The following CRMP1 variants were observed in gnomAD, a reference collection of about 807,000 sequenced individuals.
CRMP1 encodes the protein collapsin response mediator protein 1, also known as dihydropyrimidinase-related protein 1.
A neutral mutation model predicts 68.3 loss-of-function variants in CRMP1; 19 were observed. That is an observed-to-expected ratio of 0.28 (90% CI 0.19 to 0.41). The LOEUF (loss-of-function observed/expected upper bound fraction) is 0.41. Ranked by LOEUF, CRMP1 falls within the 10% of genes least tolerant of loss-of-function variation. The pLI is 1.00. For synonymous variants in CRMP1, 439 were observed against 399.6 expected (o/e 1.10, Z -1.18); for missense variants, 791 against 967.4 (o/e 0.82, Z 2.42).
chr4:5,867,599 C>A (rs1191433397), intron 1 of CRMP1, among the ~76,000 whole-genome samples: 1 of 152,152 alleles, frequency 6.6e-6, no homozygotes, highest in Non-Finnish European at 1.5e-5. Flanking sequence ...GATCAGCTAC[C>A]GACTGATGCT....
chr4:5,887,060 C>T (rs1000158533), intron 1 of CRMP1, among the ~76,000 whole-genome samples: 3 of 152,210 alleles, frequency 2.0e-5, no homozygotes, highest in African/African-American at 7.2e-5. Context: ...CCTGGGTTCC[C>T]TCCTGACCTT....
Position 5,843,858 on chromosome 4 carries a change from G to C in CRMP1, c.964-697C>G, listed in dbSNP as rs56333046. ...TCTTTATGGCGGGAAACCACTACCT[G>C]AAACTTATCATATAACCTTGAAATG... On this transcript the variant is annotated intron_variant, in intron 6 of 13. Coordinates refer to ENST00000324989, the MANE Select transcript of CRMP1 (RefSeq NM_001014809.3). The surrounding 1 kb of genome is among the most constrained non-coding windows in gnomAD (Gnocchi z 4.1). Among the ~76,000 whole-genome samples the C allele has an allele frequency of 0.04, 6,159 of 152,112 alleles. 306 individuals are homozygous for C. Among genetic ancestry groups the C allele is most frequent in the African/African-American group, 0.12 (4,814 of 41,480 alleles).
intron 6 of CRMP1, among the ~76,000 whole-genome samples, chr4:5,847,982 C>A (rs1366096088): frequency 6.6e-6 from 1 of 152,130 alleles, no homozygotes; most frequent in Non-Finnish European, 1.5e-5. Context: ...ACCAGAGACC[C>A]AGGAGCCTGC....
intron 1 of CRMP1, among the ~76,000 whole-genome samples, chr4:5,878,904 T>C (rs1315348305): frequency 6.6e-6 from 1 of 152,114 alleles, no homozygotes; most frequent in Non-Finnish European, 1.5e-5. Context: ...ACCTAACTCT[T>C]TTTTAGATCT....
intron 11 of CRMP1, among the ~76,000 whole-genome samples, chr4:5,830,612 G>A (rs777618724): frequency 8.5e-5 from 13 of 152,174 alleles, no homozygotes; most frequent in Admixed American, 1.3e-4. Flanking sequence ...AATTCTAATT[G>A]TCTCCTTTAT....
At chr4:5,885,986 C>T in intron 1 of CRMP1, among the ~76,000 whole-genome samples, 1 of 152,186 alleles carries the variant, frequency 6.6e-6, no homozygotes, top group South Asian at 2.1e-4. Flanking sequence ...GGATCTGGTT[C>T]CTGTCACAAC....
Position 5,872,820 on chromosome 4 carries a change from T to G in CRMP1, c.382-6064A>C, listed in dbSNP as rs565930131. On this transcript the variant is annotated intron_variant, in intron 1 of 13. Coordinates refer to ENST00000324989, the MANE Select transcript of CRMP1 (RefSeq NM_001014809.3). The surrounding 1 kb of genome is among the most constrained non-coding windows in gnomAD (Gnocchi z 4.6). ...TCGTTCCACAGCGACAGCAATGACC[T>G]TTAGAGCAAATCATGTTCTTGTGTC... is the stretch of plus-strand genomic sequence containing the variant. Among the ~76,000 whole-genome samples, 3 of 152,348 alleles carry G rather than the reference T, an allele frequency of 2.0e-5. No individual in the cohort carries two copies. Among genetic ancestry groups the G allele is most frequent in the African/African-American group, 7.2e-5 (3 of 41,576 alleles).
intron 3 of CRMP1, among the ~76,000 whole-genome samples, chr4:5,857,133 C>T (rs1392089355): frequency 6.6e-6 from 1 of 151,784 alleles, no homozygotes; most frequent in Non-Finnish European, 1.5e-5. Flanking sequence ...CCATCACCAC[C>T]ACCACCATCC....
chr4:5,841,186 C>A lies in CRMP1; in HGVS notation c.1153+122G>T. 2.0e-6 allele frequency: 3 copies of A among 1,472,718 alleles called. No homozygotes were observed. The allele number at this position is 1,472,718 out of a possible 1,614,324, so 91.2% of individuals were successfully genotyped here. A position where few individuals can be genotyped will look rare whatever the true frequency, so the allele number is the denominator to read the frequency against. ...CCACCATCCTTGTGTCAGGAGCATC[C>A]CCGCTCCACCCCTCCCTCCTCCGGC... On this transcript the variant is annotated intron_variant, in intron 8 of 13. Coordinates refer to ENST00000324989, the MANE Select transcript of CRMP1 (RefSeq NM_001014809.3). The surrounding 1 kb of genome is among the most constrained non-coding windows in gnomAD (Gnocchi z 6.9).
intron 12 of CRMP1, 84 bp downstream of exon 12, chr4:5,828,405 T>C (rs1231750650): frequency 3.3e-6 from 5 of 1,527,088 alleles, no homozygotes; most frequent in Non-Finnish European, 4.4e-6. Context: ...TTATTAACTC[T>C]GCACACGTCA....
rs1711728974 is a variant in CRMP1 at position 5,841,552 on chromosome 4, C to T, written c.1033-124G>A. 1.4e-6 allele frequency: 2 copies of T among 1,471,914 alleles called. No homozygotes were observed. The highest frequency in any genetic ancestry group is 2.3e-5 in the East Asian group (1 of 43,656). 91.2% of individuals were successfully genotyped at this position (1,471,914 alleles called of 1,614,324 possible). A position where few individuals can be genotyped will look rare whatever the true frequency, so the allele number is the denominator to read the frequency against. On this transcript the variant is annotated intron_variant, in intron 7 of 13. Transcript: ENST00000324989. The surrounding 1 kb of genome is among the most constrained non-coding windows in gnomAD (Gnocchi z 6.9). ...TGCTCCATTGAATGAGAAGGACATA[C>T]TGAGTCCAACAGCGCTTGACAGTGC...
In CRMP1 at chr4:5,839,442, C is replaced by A. The variant is rs188858414; in HGVS notation, c.1310+80G>T. 101 of 1,513,032 alleles carry A rather than the reference C, an allele frequency of 6.7e-5. 1 individual carries two copies. The Admixed American group carries it at 2.0e-3, about 29-fold the overall frequency. The allele number at this position is 1,513,032 out of a possible 1,614,324, so 93.7% of individuals were successfully genotyped here. A position where few individuals can be genotyped will look rare whatever the true frequency, so the allele number is the denominator to read the frequency against. ...CTCTACAATCATGAGTCCAAACCAG[C>A]CTGCGGATTCCCACCATTAACTCTC... On this transcript the variant is annotated intron_variant, in intron 9 of 13. Transcript: ENST00000324989.
intron 1 of CRMP1, among the ~76,000 whole-genome samples, chr4:5,868,997 G>A (rs1428446672): frequency 6.6e-6 from 1 of 151,952 alleles, no homozygotes; most frequent in Non-Finnish European, 1.5e-5. Flanking sequence ...TATCACCCAG[G>A]CTGGAGTGAA....
At chr4:5,836,175 G>T in intron 10 of CRMP1, 90 bp from the exon 11 acceptor site, 2 of 1,175,854 alleles carry the variant, frequency 1.7e-6, no homozygotes, top group Non-Finnish European at 2.2e-6. Context: ...TGCCAGCTGA[G>T]GCCTTGCAAG....
chr4:5,891,258 C>G lies in CRMP1; in HGVS notation c.381+1331G>C, dbSNP rs1469675476. ...CCTCGCGAGGCTCCGGCTTCAGGAC[C>G]ACGGAGAGCTCTGGAGCAACAGCCC... is the stretch of plus-strand genomic sequence containing the variant. On this transcript the variant is annotated intron_variant, in intron 1 of 13. Transcript: ENST00000324989. This position sits in a 1 kb window ranked among gnomAD's most constrained non-coding sequence, Gnocchi z 5.2. Among the ~76,000 whole-genome samples the G allele has an allele frequency of 1.4e-5, 2 of 141,714 alleles. No homozygotes were observed. The highest frequency in any genetic ancestry group is 3.2e-5 in the Non-Finnish European group (2 of 62,724). The allele number at this position is 141,714 out of a possible 152,430, so 93.0% of individuals were successfully genotyped here.
Position 5,824,714 on chromosome 4 carries a change from T to G in CRMP1, c.1969+780A>C, listed in dbSNP as rs903831681. 6 of 985,148 alleles carry G rather than the reference T, an allele frequency of 6.1e-6. No individual in the cohort carries two copies. The African/African-American group carries it at 1.0e-4, about 17-fold the overall frequency. The allele number at this position is 985,148 out of a possible 1,614,324, so 61.0% of individuals were successfully genotyped here. ...CTTAGCTTACAAAGCCTAAAGTATT[T>G]ACTATCCGGCCTTCTAAGAAAAAAA... On this transcript the variant is annotated intron_variant, in intron 13 of 13. Transcript: ENST00000324989.
rs1711918982 is a variant in CRMP1 at position 5,843,179 on chromosome 4, G to A, written c.964-18C>T. The A allele has an allele frequency of 2.5e-6, 4 of 1,613,968 alleles. No individual in the cohort carries two copies. The highest frequency in any genetic ancestry group is 3.4e-6 in the Non-Finnish European group (4 of 1,179,830). On this transcript the variant is annotated intron_variant, in intron 6 of 13. Transcript: ENST00000324989. This position sits in a 1 kb window ranked among gnomAD's most constrained non-coding sequence, Gnocchi z 4.1. ...TTTTGTTCCTACAAGACAAGAACAAGTGAGTTAACGATTAGAGGGTGTCAG... is the reference window on the plus strand; with the variant it reads ...TTTTGTTCCTACAAGACAAGAACAAATGAGTTAACGATTAGAGGGTGTCAG...
At chr4:5,863,604 C>T (rs937311650) in intron 2 of CRMP1, among the ~76,000 whole-genome samples, 1 of 152,128 alleles carries the variant, frequency 6.6e-6, no homozygotes, top group Non-Finnish European at 1.5e-5. Flanking sequence ...GTGAATGAGA[C>T]AGACGCCCCT....
At chr4:5,822,088 G>T (rs905657114) in intron 13 of CRMP1, among the ~76,000 whole-genome samples, 2 of 152,208 alleles carry the variant, frequency 1.3e-5, no homozygotes, top group Non-Finnish European at 2.9e-5. Context: ...TGGTGTTCTT[G>T]TCAAAATCCC....
Sources: allele counts gnomAD v4.1 joint callset (sites outside exome capture counted in the v4.1 genomes callset), GRCh38; gene constraint gnomAD v4.1.1; non-coding constraint Gnocchi (gnomAD v3.1); transcripts MANE v1.5; gene names NCBI Gene and HGNC (gene_info 2026-07-23, HGNC 2026-07-21).